HPSE2: variants seen among roughly 807,000 people sequenced by gnomAD.
HPSE2 encodes the protein heparanase 2 (inactive).
In HPSE2, 38 loss-of-function variants were observed where a neutral mutation model predicts 60.5. The observed-to-expected ratio is 0.63, with a 90% CI of 0.48 to 0.82. The LOEUF is 0.82. Ranked by LOEUF, HPSE2 falls within the 40% of genes least tolerant of loss-of-function variation. The pLI, the probability that HPSE2 is intolerant of heterozygous loss-of-function variation, is 0.00. For synonymous variants in HPSE2, 295 were observed against 293.2 expected (o/e 1.01, Z -0.06); for missense variants, 713 against 740.4 (o/e 0.96, Z 0.43).
chr10:98,598,654 G>A (rs1369926736), intron 9 of HPSE2, among the ~76,000 whole-genome samples: 1 of 152,146 alleles, frequency 6.6e-6, no homozygotes, highest in African/African-American at 2.4e-5. Flanking sequence ...GCTGGGACAG[G>A]CCTGAAGCCT....
At chr10:98,755,519 C>T (rs549510851) in intron 3 of HPSE2, among the ~76,000 whole-genome samples, 3 of 152,286 alleles carry the variant, frequency 2.0e-5, no homozygotes, top group Admixed American at 2.0e-4. Flanking sequence ...CCAAATGGAC[C>T]TAACAGATAT....
At chr10:98,954,557 T>C (rs1237753714) in intron 3 of HPSE2, among the ~76,000 whole-genome samples, 2 of 152,212 alleles carry the variant, frequency 1.3e-5, no homozygotes, top group Non-Finnish European at 2.9e-5. Flanking sequence ...TCAGCATTTC[T>C]TATATCACCA....
At chr10:99,093,710 A>G (rs1843598876) in intron 3 of HPSE2, among the ~76,000 whole-genome samples, 1 of 152,210 alleles carries the variant, frequency 6.6e-6, no homozygotes, top group Non-Finnish European at 1.5e-5. Flanking sequence ...TCATGAACTA[A>G]TCACCTCCCA....
chr10:98,611,020 G>A (rs77452737), intron 9 of HPSE2, among the ~76,000 whole-genome samples: 2,325 of 151,842 alleles, frequency 0.015, 36 homozygotes, highest in Non-Finnish European at 0.021. Flanking sequence ...CACAAACATC[G>A]CCTACTCCCA....
intron 3 of HPSE2, among the ~76,000 whole-genome samples, chr10:98,814,831 T>C (rs1951247729): frequency 6.6e-6 from 1 of 152,246 alleles, no homozygotes; most frequent in Non-Finnish European, 1.5e-5. Context: ...TGTCCCTTAC[T>C]CTTCATTATC....
chr10:98,536,684 T>C (rs1943293506), intron 9 of HPSE2, among the ~76,000 whole-genome samples: 1 of 152,138 alleles, frequency 6.6e-6, no homozygotes, highest in African/African-American at 2.4e-5. Flanking sequence ...AGAGAACGTC[T>C]AAAGCTTTAA....
At chr10:99,140,275 T>C (rs1331639656) in intron 3 of HPSE2, among the ~76,000 whole-genome samples, 1 of 152,224 alleles carries the variant, frequency 6.6e-6, no homozygotes, top group African/African-American at 2.4e-5. Flanking sequence ...GTTTGGAGTC[T>C]AATGACTGAA....
At chr10:98,788,917 C>T (rs147703408) in intron 3 of HPSE2, among the ~76,000 whole-genome samples, 2,406 of 152,264 alleles carry the variant, frequency 0.016, 35 homozygotes, top group African/African-American at 0.033. Flanking sequence ...GCGTCGCTCA[C>T]GCTGGGAGCT....
chr10:99,138,223 T>C (rs1465739987), intron 3 of HPSE2, among the ~76,000 whole-genome samples: 3 of 152,172 alleles, frequency 2.0e-5, no homozygotes, highest in African/African-American at 2.4e-5. Flanking sequence ...ATGGTGATCA[T>C]TGAAAAGTCA....
chr10:98,905,940 T>C lies in HPSE2; in HGVS notation c.611-161884A>G, dbSNP rs112508741. 2.6e-3 allele frequency among the ~76,000 whole-genome samples: 401 copies of C among 152,312 alleles called. 2 individuals carry two copies. The highest frequency in any genetic ancestry group is 9.3e-3 in the African/African-American group (386 of 41,572). On this transcript the variant is annotated intron_variant, in intron 3 of 11. Coordinates refer to ENST00000370552, the MANE Select transcript of HPSE2 (RefSeq NM_021828.5). ...GCACCCACCAGATCTCCCTTCAGGA[T>C]TGAAGAACTTAGTCTCCTGGCTGCT...
At chr10:98,477,323 AT>A (rs1239032720) in intron 11 of HPSE2, among the ~76,000 whole-genome samples, 1 of 152,184 alleles carries the variant, frequency 6.6e-6, no homozygotes, top group Non-Finnish European at 1.5e-5. Flanking sequence ...CAGGATTGAA[AT>A]TGTGGTCACT....
the HPSE2 span, among the ~76,000 whole-genome samples, chr10:99,247,056 T>C: frequency 1.3e-5 from 2 of 152,138 alleles, no homozygotes; most frequent in Non-Finnish European, 2.9e-5. Flanking sequence ...GGACCCTAGT[T>C]TTAGAGAGTA....
At chr10:99,188,487 C>G (rs1589798076) in intron 2 of HPSE2, among the ~76,000 whole-genome samples, 1 of 152,142 alleles carries the variant, frequency 6.6e-6, no homozygotes, top group African/African-American at 2.4e-5. Flanking sequence ...CTTTTAAAAT[C>G]ATTTGCAAAG....
At chr10:99,160,536 T>C (rs1846786077) in intron 2 of HPSE2, among the ~76,000 whole-genome samples, 1 of 152,116 alleles carries the variant, frequency 6.6e-6, no homozygotes, top group Non-Finnish European at 1.5e-5. Flanking sequence ...CAAAATAAAC[T>C]TGCTGTACAA....
the HPSE2 span, among the ~76,000 whole-genome samples, chr10:99,283,638 C>A: frequency 3.3e-3 from 493 of 151,310 alleles, no homozygotes; most frequent in Non-Finnish European, 5.8e-3. Context: ...GAGAGAAGAC[C>A]CAAATTACTC....
chr10:98,528,446 A>G (rs1943035109), intron 9 of HPSE2, among the ~76,000 whole-genome samples: 1 of 152,204 alleles, frequency 6.6e-6, no homozygotes. Flanking sequence ...TTCCGGAGGC[A>G]GAGCTGGAAT....
intron 5 of HPSE2, among the ~76,000 whole-genome samples, chr10:98,718,055 A>G (rs1948835106): frequency 6.6e-6 from 1 of 152,126 alleles, no homozygotes; most frequent in Non-Finnish European, 1.5e-5. Flanking sequence ...AGAAAATTCT[A>G]AGACAATAAA....
intron 9 of HPSE2, among the ~76,000 whole-genome samples, chr10:98,512,263 C>T (rs1402693566): frequency 6.6e-6 from 1 of 152,186 alleles, no homozygotes; most frequent in Non-Finnish European, 1.5e-5. Flanking sequence ...CCCTCCAATC[C>T]ATTTTTTGGC....
At chr10:98,805,705 T>C (rs1008253258) in intron 3 of HPSE2, among the ~76,000 whole-genome samples, 5 of 152,160 alleles carry the variant, frequency 3.3e-5, no homozygotes, top group African/African-American at 1.2e-4. Flanking sequence ...ACTAGATATT[T>C]AGGTAAATAA....
Sources: gnomAD v4.1 joint callset for allele counts (sites outside exome capture counted in the v4.1 genomes callset) on GRCh38, gnomAD v4.1.1 for gene constraint, MANE v1.5 for transcripts, NCBI Gene and HGNC (gene_info 2026-07-23, HGNC 2026-07-21) for gene names.